KCNK17: variants seen among roughly 807,000 people sequenced by gnomAD.
The protein encoded by KCNK17 is potassium two pore domain channel subfamily K member 17, also known as potassium channel subfamily K member 17.
KCNK17 carries 27 observed loss-of-function variants against 24.6 expected under a neutral mutation model. That is an observed-to-expected ratio of 1.10 (90% CI 0.81 to 1.51). KCNK17 has a LOEUF of 1.51. Ranked by LOEUF, KCNK17 falls within the 40% of genes most tolerant of loss-of-function variation. KCNK17 has a pLI of 0.00. For synonymous variants in KCNK17, 181 were observed against 189.8 expected (o/e 0.95, Z 0.38); for missense variants, 450 against 436.6 (o/e 1.03, Z -0.27).
At chr6:39,309,432 C>T (rs1762093436) in intron 2 of KCNK17, among the ~76,000 whole-genome samples, 1 of 152,152 alleles carries the variant, frequency 6.6e-6, no homozygotes, top group Non-Finnish European at 1.5e-5. Flanking sequence ...ACAAGAAGAC[C>T]TCGGGTGTTT....
rs1761900376 is a variant in KCNK17 at position 39,299,240 on chromosome 6, C to T, written c.*187G>A. 6.9e-6 allele frequency: 4 copies of T among 582,960 alleles called. No individual in the cohort carries two copies. Among genetic ancestry groups the T allele is most frequent in the Non-Finnish European group, 1.2e-5 (4 of 331,498 alleles). 36.1% of individuals were successfully genotyped at this position (582,960 alleles called of 1,614,324 possible). ...GGGAGAAGGGCATGCTGCCCCGACA[C>T]CCGAAAGTCACATCCCATGTCACCC... On this transcript the variant is annotated 3_prime_UTR_variant, in exon 5 of 5. Coordinates refer to ENST00000373231, the MANE Select transcript of KCNK17 (RefSeq NM_031460.4).
intron 4 of KCNK17, among the ~76,000 whole-genome samples, chr6:39,300,847 C>T (rs1583763333): frequency 6.6e-6 from 1 of 152,210 alleles, no homozygotes; most frequent in Non-Finnish European, 1.5e-5. Flanking sequence ...TACCTTCCCT[C>T]ATCCTGCAGA....
At chr6:39,305,077 T>C (rs1004606504) in intron 2 of KCNK17, among the ~76,000 whole-genome samples, 1 of 152,224 alleles carries the variant, frequency 6.6e-6, no homozygotes, top group African/African-American at 2.4e-5. Flanking sequence ...GCTGAGGCCA[T>C]GCTGTCTCCA....
Position 39,299,677 on chromosome 6 carries a change from A to G in KCNK17, c.749T>C (p.Leu250Pro), listed in dbSNP as rs1456371112. The G allele has an allele frequency of 6.2e-7, 1 of 1,614,064 alleles. No homozygotes were observed. The highest frequency in any genetic ancestry group is 1.7e-5 in the Admixed American group (1 of 60,016). ...WYKNMVSLWI[L>P]FGMAWLALII... is the part of the protein sequence containing the mutation. ...CAAGGCCAGCCATGCCATCCCAAAG[A>G]GGATCCACAGGGACACCATGTTCTT... The change falls in exon 5 of 5, where the codon CTC becomes CCC. Residue 250 changes from leucine to proline, a missense_variant. Physicochemically the swap from Leu to Pro is moderately conservative, Grantham distance 98. Coordinates refer to ENST00000373231, the MANE Select transcript of KCNK17 (RefSeq NM_031460.4).
chr6:39,310,637 C>T (rs908635846), intron 2 of KCNK17, among the ~76,000 whole-genome samples: 1 of 152,094 alleles, frequency 6.6e-6, no homozygotes, highest in Non-Finnish European at 1.5e-5. Context: ...GGGCAGAAGT[C>T]CCCTAGAGCA....
intron 4 of KCNK17, among the ~76,000 whole-genome samples, chr6:39,301,130 G>C (rs1761945122): frequency 6.6e-6 from 1 of 152,194 alleles, no homozygotes; most frequent in African/African-American, 2.4e-5. Context: ...GTTGGTGCTG[G>C]GTAAGTATAG....
At chr6:39,311,079 C>G in intron 1 of KCNK17, 72 bp from the exon 2 acceptor site, 1 of 140,770 alleles carries the variant, frequency 7.1e-6, no homozygotes, top group Non-Finnish European at 1.2e-5. Context: ...GATGCACACA[C>G]ACACACACAC....
At chr6:39,312,548 T>G (rs1224662972) in intron 1 of KCNK17, among the ~76,000 whole-genome samples, 1 of 152,176 alleles carries the variant, frequency 6.6e-6, no homozygotes. Context: ...CTGAGCCTGT[T>G]TCTTCACCTC....
chr6:39,314,056 G>A, intron 1 of KCNK17, 28 bp downstream of exon 1: 1 of 1,519,856 alleles, frequency 6.6e-7, no homozygotes, highest in East Asian at 2.4e-5. Context: ...ATCCCGCCGC[G>A]CCCAGGCCGA....
chr6:39,307,989 T>C (rs957227845), intron 2 of KCNK17, among the ~76,000 whole-genome samples: 3 of 152,232 alleles, frequency 2.0e-5, no homozygotes, highest in Admixed American at 2.0e-4. Context: ...ATTTTACTCA[T>C]GTCTCTGCTT....
At chr6:39,311,048 G>T in intron 1 of KCNK17, 41 bp from the exon 2 acceptor site, 1 of 1,252,818 alleles carries the variant, frequency 8.0e-7, no homozygotes, top group Non-Finnish European at 1.1e-6. Context: ...TCTGTGGGGT[G>T]ATGGATTTCC....
At chr6:39,308,856 T>G (rs1048163647) in intron 2 of KCNK17, among the ~76,000 whole-genome samples, 1 of 152,158 alleles carries the variant, frequency 6.6e-6, no homozygotes, top group East Asian at 1.9e-4. Context: ...TCCATCTCCC[T>G]CTCCTTCTCT....
chr6:39,300,870 C>T (rs1384071618), intron 4 of KCNK17, among the ~76,000 whole-genome samples: 1 of 152,208 alleles, frequency 6.6e-6, no homozygotes, highest in Non-Finnish European at 1.5e-5. Context: ...TCAGTTCAGA[C>T]ATCACTCCCT....
chr6:39,304,374 T>A, intron 3 of KCNK17, 121 bp downstream of exon 3: 2 of 957,520 alleles, frequency 2.1e-6, no homozygotes, highest in Non-Finnish European at 3.2e-6. Context: ...TGACCCCCAA[T>A]CCCAACACAA....
In KCNK17 at chr6:39,304,621, G is replaced by A; in HGVS notation, c.387C>T (p.Ala129=). The part of the protein sequence containing the change: ...YGNLSPNTMA[A]RLFCIFFALV... ...GGGCAAAGAAGATGCAGAAGAGGCG[G>A]GCAGCCATCGTGTTGGGGCTCAGGT... Residue 129 remains alanine (A), a synonymous_variant, in exon 3 of 5, where the codon GCC becomes GCT. Transcript: ENST00000373231. 6.2e-7 allele frequency: 1 copy of A among 1,613,692 alleles called. No individual in the cohort carries two copies. The highest frequency in any genetic ancestry group is 8.5e-7 in the Non-Finnish European group (1 of 1,179,610).
intron 2 of KCNK17, among the ~76,000 whole-genome samples, chr6:39,305,842 C>T (rs1762026373): frequency 6.6e-6 from 1 of 152,152 alleles, no homozygotes; most frequent in African/African-American, 2.4e-5. Context: ...CACAATGCTT[C>T]CTCTATGAAG....
chr6:39,303,923 T>C, intron 4 of KCNK17, 34 bp downstream of exon 4: 1 of 1,601,906 alleles, frequency 6.2e-7, no homozygotes, highest in Non-Finnish European at 8.5e-7. Flanking sequence ...GGCAGCCGAA[T>C]GTCCCCGCCA....
rs771548532 is a variant in KCNK17, at chr6:39,304,649, C to T, written c.359G>A (p.Gly120Asp). ...SVSTITTIGY[G>D]NLSPNTMAAR... The stretch of plus-strand genomic sequence containing the variant: ...AGCCATCGTGTTGGGGCTCAGGTTG[C>T]CATAGCCTGAGGTGAGAGGGGGCAC... Residue 120 changes from glycine to aspartate, a missense_variant, in exon 3 of 5, where the codon GGC becomes GAC. Physicochemically the swap from Gly to Asp is moderately conservative, Grantham distance 94. Transcript: ENST00000373231. The T allele has an allele frequency of 8.1e-6, 13 of 1,610,838 alleles. No individual in the cohort carries two copies. Among genetic ancestry groups the T allele is most frequent in the African/African-American group, 1.3e-5 (1 of 74,824 alleles).
intron 4 of KCNK17, chr6:39,300,262 A>G (rs1455931888): frequency 3.6e-5 from 20 of 552,994 alleles, no homozygotes; most frequent in Non-Finnish European, 5.9e-5. Flanking sequence ...AGCCGGGACT[A>G]CAGGCGCCTG....
Sources: gnomAD v4.1 joint callset for allele counts (sites outside exome capture counted in the v4.1 genomes callset) on GRCh38, gnomAD v4.1.1 for gene constraint, MANE v1.5 for transcripts, NCBI Gene and HGNC (gene_info 2026-07-23, HGNC 2026-07-21) for gene names.